Variants in HDAC9 observed in about 807,000 individuals in gnomAD.
HDAC9 encodes the protein histone deacetylase 9.
In HDAC9, 41 loss-of-function variants were observed where a neutral mutation model predicts 139.4. The ratio of observed to expected loss-of-function variants is 0.29; its 90% CI spans 0.23 to 0.38. The LOEUF (loss-of-function observed/expected upper bound fraction) is 0.38, where lower values mean the gene tolerates loss of function less well. Among genes scored for constraint, HDAC9 ranks in the 10% least tolerant of loss-of-function variants. HDAC9 has a pLI of 1.00. For missense variants in HDAC9, 1,147 were observed against 1,297.0 expected, an observed-to-expected ratio of 0.88 and a Z score of 1.78; for synonymous variants, 517 against 476.2, an observed-to-expected ratio of 1.09 and a Z score of -1.12.
At chr7:18,229,146 A>T (rs1793273490) in intron 2 of HDAC9, among the ~76,000 whole-genome samples, 1 of 152,208 alleles carries the variant, frequency 6.6e-6, no homozygotes, top group East Asian at 1.9e-4. Flanking sequence ...CTCATACATA[A>T]ACCTGTATCT....
intron 11 of HDAC9, among the ~76,000 whole-genome samples, chr7:18,651,018 A>C (rs946356327): frequency 1.3e-5 from 2 of 152,148 alleles, no homozygotes; most frequent in African/African-American, 4.8e-5. Context: ...ATTAAAGAAA[A>C]TATCAAACCC....
At chr7:18,624,057 G>A (rs544543073) in intron 6 of HDAC9, among the ~76,000 whole-genome samples, 8 of 152,210 alleles carry the variant, frequency 5.3e-5, no homozygotes, top group East Asian at 3.9e-4. Context: ...CAAAAATCAC[G>A]CCCCGCAATT....
chr7:18,815,222 G>T (rs1410231501), intron 17 of HDAC9, among the ~76,000 whole-genome samples: 13 of 150,872 alleles, frequency 8.6e-5, no homozygotes, highest in Admixed American at 5.9e-4. Context: ...TTTTTTTGAA[G>T]TTTTGCATAC....
intron 2 of HDAC9, among the ~76,000 whole-genome samples, chr7:18,240,280 AGT>A (rs559025130): frequency 1.3e-5 from 2 of 152,164 alleles, no homozygotes; most frequent in South Asian, 4.2e-4. Context: ...TAGAATTTTG[AGT>A]GTAGATTGTA....
chr7:18,220,631 C>G (rs866125066), intron 2 of HDAC9, among the ~76,000 whole-genome samples: 1 of 152,238 alleles, frequency 6.6e-6, no homozygotes, highest in Middle Eastern at 3.4e-3. Context: ...ATTGACCTAA[C>G]CTAGAGAATC....
chr7:18,842,121 T>C (rs1796623218), intron 21 of HDAC9, among the ~76,000 whole-genome samples: 1 of 152,152 alleles, frequency 6.6e-6, no homozygotes, highest in Non-Finnish European at 1.5e-5. Context: ...GGGATCTTAA[T>C]TTGTCAATGA....
rs1379390095 is a variant in HDAC9, at chr7:18,891,865, G to A, written c.2803+17269G>A. Among the ~76,000 whole-genome samples, 4 of 152,256 alleles carry A rather than the reference G, an allele frequency of 2.6e-5. No homozygotes were observed. In the South Asian group the frequency reaches 6.2e-4, roughly 24 times the overall value. ...CAAACAGCCTGGCAGGTCTTTGTATGAATGGATTCATTCCCTCTGGGGGTG... is the reference window on the plus strand; with the variant it reads ...CAAACAGCCTGGCAGGTCTTTGTATAAATGGATTCATTCCCTCTGGGGGTG... On this transcript the variant is annotated intron_variant, in intron 22 of 25. Transcript: ENST00000686413.
At chr7:18,656,099 CT>C (rs534937344) in intron 11 of HDAC9, among the ~76,000 whole-genome samples, 10 of 124,404 alleles carry the variant, frequency 8.0e-5, no homozygotes, top group African/African-American at 3.1e-4. Context: ...GGTTTTAGTT[CT>C]TTTTTCCTGT....
intron 2 of HDAC9, among the ~76,000 whole-genome samples, chr7:18,226,394 C>A (rs904868134): frequency 2.0e-5 from 3 of 152,056 alleles, no homozygotes; most frequent in African/African-American, 4.8e-5. Context: ...CACATGCTCC[C>A]TGTAGGTGAG....
chr7:18,469,101 G>A (rs1366906811), intron 1 of HDAC9, among the ~76,000 whole-genome samples: 1 of 152,160 alleles, frequency 6.6e-6, no homozygotes, highest in Non-Finnish European at 1.5e-5. Flanking sequence ...CCCACAGATA[G>A]CCACCAGGTT....
chr7:18,677,768 G>A (rs1781613322), intron 12 of HDAC9, among the ~76,000 whole-genome samples: 1 of 151,842 alleles, frequency 6.6e-6, no homozygotes, highest in African/African-American at 2.4e-5. Flanking sequence ...TTCTACATAT[G>A]TATGTTACAA....
intron 22 of HDAC9, among the ~76,000 whole-genome samples, chr7:18,905,999 C>T (rs1022492443): frequency 4.7e-5 from 7 of 150,136 alleles, no homozygotes; most frequent in African/African-American, 1.2e-4. Context: ...TTCTCTCTCT[C>T]TCTTTATTTT....
intron 1 of HDAC9, among the ~76,000 whole-genome samples, chr7:18,469,610 G>T (rs1417805265): frequency 2.6e-5 from 4 of 152,142 alleles, no homozygotes; most frequent in Non-Finnish European, 5.9e-5. Context: ...AATTCACAAA[G>T]TTCCCACAAA....
At chr7:18,991,641 GA>G (rs1270525942) in intron 25 of HDAC9, among the ~76,000 whole-genome samples, 2,989 of 95,618 alleles carry the variant, frequency 0.031, 107 homozygotes, top group African/African-American at 0.097. Flanking sequence ...CGTCTCAAAA[GA>G]AAAAAAAAAA....
intron 1 of HDAC9, among the ~76,000 whole-genome samples, chr7:18,112,398 T>A (rs961978899): frequency 1.3e-5 from 2 of 149,162 alleles, no homozygotes; most frequent in South Asian, 4.5e-4. Context: ...AACAATTACA[T>A]TGTGAATGGC....
chr7:18,128,673 C>T (rs1784821794), intron 1 of HDAC9, among the ~76,000 whole-genome samples: 1 of 151,986 alleles, frequency 6.6e-6, no homozygotes, highest in Non-Finnish European at 1.5e-5. Context: ...GATTTGACTA[C>T]AGACAAAACA....
chr7:18,290,508 CA>C, exon 1 of HDAC9: 1 of 456,576 alleles, frequency 2.2e-6, no homozygotes, highest in South Asian at 1.5e-5. Context: ...GAATGCACAA[CA>C]AAACGGGTAA....
At chr7:18,313,152 A>T (rs1799424539) in intron 1 of HDAC9, among the ~76,000 whole-genome samples, 1 of 152,142 alleles carries the variant, frequency 6.6e-6, no homozygotes, top group African/African-American at 2.4e-5. Context: ...GTTTTCGGTC[A>T]CCCATGAATT....
chr7:18,456,140 G>T lies in HDAC9; in HGVS notation c.-41-40122G>T, dbSNP rs189921492. 2.6e-5 allele frequency among the ~76,000 whole-genome samples: 4 copies of T among 152,252 alleles called. No homozygotes were observed. The East Asian group carries it at 7.7e-4, about 29-fold the overall frequency. ...CGTATTAGGTAAAATAATTACAGCTGAGCTAGAACAAATTTTGATAAAATA... is the reference window on the plus strand; with the variant it reads ...CGTATTAGGTAAAATAATTACAGCTTAGCTAGAACAAATTTTGATAAAATA... On this transcript the variant is annotated intron_variant, in intron 1 of 3. Transcript: ENST00000413509.
Sources: gnomAD v4.1 joint callset for allele counts (sites outside exome capture counted in the v4.1 genomes callset) on GRCh38, gnomAD v4.1.1 for gene constraint, MANE v1.5 for transcripts, NCBI Gene and HGNC (gene_info 2026-07-23, HGNC 2026-07-21) for gene names.